Variants in NFAT5 observed in about 807,000 individuals in gnomAD.
The protein encoded by NFAT5 is nuclear factor of activated T cells 5.
In NFAT5, 31 loss-of-function variants were observed where a neutral mutation model predicts 166.5. The observed-to-expected ratio is 0.19, with a 90% CI of 0.14 to 0.25. The LOEUF (loss-of-function observed/expected upper bound fraction) is 0.25. NFAT5 is among the 10% of genes least tolerant of loss of function. NFAT5 has a pLI of 1.00. For missense variants in NFAT5, 1,449 were observed against 1,821.8 expected (o/e 0.80, Z 3.72); for synonymous variants, 612 against 639.7 (o/e 0.96, Z 0.65).
rs956469921 is a variant in NFAT5, at chr16:69,566,088, C to G, written c.-214C>G. 1.8e-4 allele frequency: 98 copies of G among 558,464 alleles called. No individual in the cohort carries two copies. The highest frequency in any genetic ancestry group is 2.5e-4 in the Non-Finnish European group (81 of 320,264). The allele number at this position is 558,464 out of a possible 1,614,324, so 34.6% of individuals were successfully genotyped here. A position where few individuals can be genotyped will look rare whatever the true frequency, so the allele number is the denominator to read the frequency against. ...CGTCCTGAACCCCTCTCCTGGTCAC[C>G]GAGAATCAGTCCCCGTGGAGTTCCC... On this transcript the variant is annotated 5_prime_UTR_variant, in exon 1 of 15. Coordinates refer to ENST00000349945, the MANE Select transcript of NFAT5 (RefSeq NM_138713.4). This position sits in a 1 kb window ranked among gnomAD's most constrained non-coding sequence, Gnocchi z 5.7.
chr16:69,660,016 A>C (rs2036054642), intron 7 of NFAT5, 117 bp downstream of exon 7: 1 of 870,368 alleles, frequency 1.1e-6, no homozygotes, highest in Non-Finnish European at 1.7e-6. Context: ...ATCATGCAAA[A>C]TTTGAAATAT....
At chr16:69,667,507 A>G (rs934423266) in intron 7 of NFAT5, among the ~76,000 whole-genome samples, 4 of 151,956 alleles carry the variant, frequency 2.6e-5, no homozygotes, top group South Asian at 2.1e-4. Flanking sequence ...AAAAAAAAAA[A>G]AAAGAAAGTA....
At chr16:69,677,725 G>A (rs1597529932) in intron 10 of NFAT5, among the ~76,000 whole-genome samples, 1 of 152,164 alleles carries the variant, frequency 6.6e-6, no homozygotes, top group East Asian at 1.9e-4. Context: ...TTTTGAGAGA[G>A]AGAAGAGATA....
At chr16:69,609,819 G>GA (rs1157655325) in intron 2 of NFAT5, among the ~76,000 whole-genome samples, 1,379 of 74,812 alleles carry the variant, frequency 0.018, 18 homozygotes, top group African/African-American at 0.039. Flanking sequence ...TGTCTCTACT[G>GA]AAAAAAAAAA....
chr16:69,622,072 G>A (rs1366725055), intron 2 of NFAT5, among the ~76,000 whole-genome samples: 1 of 152,162 alleles, frequency 6.6e-6, no homozygotes, highest in African/African-American at 2.4e-5. Context: ...TGAATTTAGG[G>A]TTGAATAGCA....
At chr16:69,667,494 T>TAGAAAAAAAA (rs2036443957) in intron 7 of NFAT5, among the ~76,000 whole-genome samples, 1 of 125,940 alleles carries the variant, frequency 7.9e-6, no homozygotes, top group African/African-American at 2.7e-5. Flanking sequence ...TTGCAGAAAC[T>TAGAAAAAAAA]AAAAAAAAAA....
At chr16:69,687,627 T>G (rs1409759576) in intron 11 of NFAT5, among the ~76,000 whole-genome samples, 1 of 152,124 alleles carries the variant, frequency 6.6e-6, no homozygotes, top group Non-Finnish European at 1.5e-5. Context: ...TGCTCAACTT[T>G]CTCTACCTAG....
At chr16:69,650,900 G>T (rs184201222) in intron 4 of NFAT5, among the ~76,000 whole-genome samples, 40 of 152,254 alleles carry the variant, frequency 2.6e-4, no homozygotes, top group African/African-American at 6.5e-4. Flanking sequence ...AGACTTTCAT[G>T]TGTGAGGAAC....
At chr16:69,600,682 A>G (rs973935098) in intron 2 of NFAT5, among the ~76,000 whole-genome samples, 1 of 150,738 alleles carries the variant, frequency 6.6e-6, no homozygotes, top group African/African-American at 2.4e-5. Flanking sequence ...TCATTTGCCA[A>G]GAATGATAGA....
At chr16:69,617,125 G>A (rs2033988430) in intron 2 of NFAT5, among the ~76,000 whole-genome samples, 1 of 151,746 alleles carries the variant, frequency 6.6e-6, no homozygotes, top group Non-Finnish European at 1.5e-5. Flanking sequence ...TCTATTTTTA[G>A]TAGAGATGGA....
At chr16:69,580,903 C>T (rs2031638782) in intron 2 of NFAT5, among the ~76,000 whole-genome samples, 1 of 152,124 alleles carries the variant, frequency 6.6e-6, no homozygotes, top group African/African-American at 2.4e-5. Context: ...GATCCGCCCA[C>T]CTCGGCCTCC....
chr16:69,688,451 C>G (rs2037417423), intron 11 of NFAT5, among the ~76,000 whole-genome samples: 1 of 152,082 alleles, frequency 6.6e-6, no homozygotes, highest in African/African-American at 2.4e-5. Flanking sequence ...TCTCGGCTTA[C>G]TGCAACCTCT....
chr16:69,626,438 T>G lies in NFAT5; in HGVS notation c.163T>G (p.Leu55Val). The change falls in exon 3 of 15, where the codon TTA (leucine) becomes GTA (valine). Residue 55 changes from leucine (L) to valine (V), a missense_variant. This residue lies in a region of NFAT5 where 172 missense variants were observed against 194.5 expected (regional missense o/e 0.88). Transcript: ENST00000349945. Reference sequence around the variant, plus strand: ...TGATCTTCTCCCAAAGGAGTTACAGTTACCTCCATCTAGAGAAACATCTGT... The same window carrying G: ...TGATCTTCTCCCAAAGGAGTTACAGGTACCTCCATCTAGAGAAACATCTGT... ...VYDLLPKELQ[L>V]PPSRETSVAS... is the part of the protein sequence containing the mutation. The G allele has an allele frequency of 3.1e-6, 5 of 1,592,374 alleles. No individual in the cohort carries two copies. The highest frequency in any genetic ancestry group is 4.3e-6 in the Non-Finnish European group (5 of 1,170,198).
chr16:69,683,672 T>TTACA (rs1300181352), intron 10 of NFAT5, among the ~76,000 whole-genome samples: 1 of 152,236 alleles, frequency 6.6e-6, no homozygotes, highest in Non-Finnish European at 1.5e-5. Flanking sequence ...TTTAAATTTG[T>TTACA]TACAGTAGGC....
chr16:69,692,565 A>G lies in NFAT5; in HGVS notation c.2740A>G (p.Met914Val), dbSNP rs1597571430. Reference sequence around the variant, plus strand: ...GCAAGTGATGGAATCTTCAGCCGCAATGGTGATGGAGATGCAACAGAGTAT... The same window carrying G: ...GCAAGTGATGGAATCTTCAGCCGCAGTGGTGATGGAGATGCAACAGAGTAT... ...QQQVMESSAA[M>V]VMEMQQSICQ... The change falls in exon 13 of 15, where the codon ATG (methionine) becomes GTG (valine). Residue 914 changes from methionine to valine, a missense_variant. Transcript: ENST00000349945. 5.0e-6 allele frequency: 8 copies of G among 1,614,194 alleles called. No homozygotes were observed. Among genetic ancestry groups the G allele is most frequent in the Non-Finnish European group, 6.8e-6 (8 of 1,180,028 alleles).
chr16:69,601,492 C>G (rs1273738464), intron 2 of NFAT5, among the ~76,000 whole-genome samples: 2 of 152,130 alleles, frequency 1.3e-5, no homozygotes, highest in Admixed American at 6.6e-5. Context: ...CTAGGCCTTT[C>G]AAGTGGCTAG....
At chr16:69,644,777 T>G (rs1330330852) in intron 3 of NFAT5, 3 of 443,018 alleles carry the variant, frequency 6.8e-6, no homozygotes, top group Admixed American at 5.1e-5. Flanking sequence ...TCACCTGTAC[T>G]TTCCATCTGT....
chr16:69,571,676 A>G (rs1365493824), intron 2 of NFAT5, among the ~76,000 whole-genome samples: 1 of 152,066 alleles, frequency 6.6e-6, no homozygotes, highest in African/African-American at 2.4e-5. Context: ...TTTTTTATAG[A>G]ACGTACGTTT....
chr16:69,668,426 T>C (rs1419272433), intron 7 of NFAT5, among the ~76,000 whole-genome samples: 2 of 152,330 alleles, frequency 1.3e-5, no homozygotes, highest in South Asian at 4.1e-4. Flanking sequence ...TTGAATTTCT[T>C]TGGACTTTGA....
Sources: gnomAD v4.1 joint callset for allele counts (sites outside exome capture counted in the v4.1 genomes callset) on GRCh38, gnomAD v4.1.1 for gene constraint, gnomAD v4.1.1 regional missense constraint, Gnocchi (gnomAD v3.1) non-coding constraint, MANE v1.5 for transcripts, NCBI Gene and HGNC (gene_info 2026-07-23, HGNC 2026-07-21) for gene names.